Variants in CHAF1B observed in about 807,000 individuals in gnomAD.
CHAF1B encodes chromatin assembly factor 1 subunit B, also known as CAF-1 subunit B.
A neutral mutation model predicts 60.7 loss-of-function variants in CHAF1B; 10 were observed. The observed-to-expected ratio is 0.16, with a 90% CI of 0.10 to 0.28. The LOEUF (loss-of-function observed/expected upper bound fraction) is 0.28, where lower values mean the gene tolerates loss of function less well. CHAF1B is among the 10% of genes least tolerant of loss of function. The pLI is 1.00. For missense variants in CHAF1B, 558 were observed against 708.4 expected (o/e 0.79, Z 2.41); for synonymous variants, 261 against 266.1 (o/e 0.98, Z 0.19).
In CHAF1B at chr21:36,418,050, T is replaced by C. The variant is rs2086331787; in HGVS notation, c.*1684T>C. Reference sequence around the variant, plus strand: ...TTTTTTCCGAGACAGAGTCTCGCTCTGTCACCCAGGCTGGAGTGCAGTGGC... The same window carrying C: ...TTTTTTCCGAGACAGAGTCTCGCTCCGTCACCCAGGCTGGAGTGCAGTGGC... On this transcript the variant is annotated 3_prime_UTR_variant, in exon 14 of 14. Coordinates refer to ENST00000314103, the MANE Select transcript of CHAF1B (RefSeq NM_005441.3). 6.6e-6 allele frequency: 1 copy of C among 151,866 alleles called. No homozygotes were observed. Among genetic ancestry groups the C allele is most frequent in the African/African-American group, 2.4e-5 (1 of 41,298 alleles). 9.4% of individuals were successfully genotyped at this position (151,866 alleles called of 1,614,324 possible).
In CHAF1B at chr21:36,416,630, G is replaced by A. The variant is rs1160079684; in HGVS notation, c.*264G>A. On this transcript the variant is annotated 3_prime_UTR_variant, in exon 14 of 14. Transcript: ENST00000314103. ...GTTTCTGAAACTGGAGCGGTTCAAC[G>A]TTATCCAGTGTGAAAATCAGTGAGT... is the stretch of plus-strand genomic sequence containing the variant. 5 of 311,244 alleles carry A rather than the reference G, an allele frequency of 1.6e-5. No individual in the cohort carries two copies. Among genetic ancestry groups the A allele is most frequent in the African/African-American group, 2.1e-5 (1 of 47,508 alleles). The allele number at this position is 311,244 out of a possible 1,614,324, so 19.3% of individuals were successfully genotyped here. A position where few individuals can be genotyped will look rare whatever the true frequency, so the allele number is the denominator to read the frequency against.
At chr21:36,402,944 T>C (rs1310720135) in intron 8 of CHAF1B, 93 bp downstream of exon 8, 1 of 1,061,870 alleles carries the variant, frequency 9.4e-7, no homozygotes, top group Non-Finnish European at 1.4e-6. Context: ...CAGTGAATGC[T>C]GATTAGAGTG....
In CHAF1B at chr21:36,399,539, T is replaced by C. The variant is rs537762285; in HGVS notation, c.597T>C (p.Ser199=). Residue 199 remains serine (S), a synonymous_variant, in exon 7 of 14, where the codon AGT becomes AGC. Coordinates refer to ENST00000314103, the MANE Select transcript of CHAF1B (RefSeq NM_005441.3). ...TCTTCAGGGTGCTGCGAGTATACAG[T>C]ATACAGAAGAAGCGTGTGGCTTTCA... The part of the protein sequence containing the change: ...LSCDRVLRVY[S]IQKKRVAFNV... 11 of 1,614,068 alleles carry C rather than the reference T, an allele frequency of 6.8e-6. No individual in the cohort carries two copies. In the African/African-American group the frequency reaches 1.2e-4, roughly 18 times the overall value.
intron 8 of CHAF1B, among the ~76,000 whole-genome samples, chr21:36,407,715 C>T (rs762367975): frequency 6.6e-5 from 10 of 151,986 alleles, no homozygotes; most frequent in African/African-American, 1.2e-4. Context: ...CAGTGACTCA[C>T]GCCTGTAATC....
chr21:36,405,043 G>A (rs550368917), intron 8 of CHAF1B, among the ~76,000 whole-genome samples: 471 of 25,514 alleles, frequency 0.018, 2 homozygotes, highest in African/African-American at 0.025. Flanking sequence ...GAGCCACTGC[G>A]CCCAGCCCCA....
intron 12 of CHAF1B, among the ~76,000 whole-genome samples, chr21:36,414,007 C>A (rs1276074109): frequency 1.3e-5 from 2 of 152,184 alleles, no homozygotes; most frequent in East Asian, 3.8e-4. Flanking sequence ...GATCTGATAA[C>A]AAATAATCCC....
intron 8 of CHAF1B, 125 bp from the exon 9 acceptor site, chr21:36,408,636 A>G: frequency 1.5e-6 from 1 of 658,564 alleles, no homozygotes; most frequent in East Asian, 2.8e-5. Context: ...AACATTGTCC[A>G]GAGAATATAA....
rs1453213885 is a variant in CHAF1B at position 36,415,791 on chromosome 21, C to T, written c.1588+402C>T. ...TTTTTGAGATGCAGTCTTGCTCTGT[C>T]GCCCAGGCTGGAATGCAGTGGCACG... On this transcript the variant is annotated intron_variant, in intron 13 of 13. Transcript: ENST00000314103. 1.5e-5 allele frequency: 6 copies of T among 395,450 alleles called. No individual in the cohort carries two copies. The East Asian group carries it at 2.3e-4, about 15-fold the overall frequency. 24.5% of individuals were successfully genotyped at this position (395,450 alleles called of 1,614,324 possible).
rs1303344919 is a variant in CHAF1B at position 36,385,989 on chromosome 21, G to A, written c.-77-71G>A. On this transcript the variant is annotated intron_variant, in intron 1 of 13. Transcript: ENST00000314103. ...TCCCAATGCAGTGTGCATTTTAAATGGCTCCTGGCCCCTATTCAGCGCTCA... is the reference window on the plus strand; with the variant it reads ...TCCCAATGCAGTGTGCATTTTAAATAGCTCCTGGCCCCTATTCAGCGCTCA... 3.5e-6 allele frequency: 3 copies of A among 845,876 alleles called. No homozygotes were observed. In the Admixed American group the frequency reaches 7.9e-5, roughly 22 times the overall value. The allele number at this position is 845,876 out of a possible 1,614,324, so 52.4% of individuals were successfully genotyped here.
chr21:36,396,834 G>A (rs969113725), intron 5 of CHAF1B, among the ~76,000 whole-genome samples: 1 of 151,996 alleles, frequency 6.6e-6, no homozygotes, highest in African/African-American at 2.4e-5. Context: ...CCTAACTAGT[G>A]ACCCTCTTTG....
chr21:36,391,588 G>C lies in CHAF1B; in HGVS notation c.297G>C (p.Lys99Asn), dbSNP rs1254536096. ...VILLWKVNDN[K>N]EPEQIAFQDE... ...TATTGTGGAAGGTGAATGATAACAA[G>C]GAGCCGGAGCAGATCGCTTTTCAGG... is the stretch of plus-strand genomic sequence containing the variant. Residue 99 changes from lysine (K) to asparagine (N), a missense_variant, in exon 4 of 14, where the codon AAG (lysine) becomes AAC (asparagine). Lys to Asn is a moderately conservative substitution (Grantham distance 94, BLOSUM62 0). Transcript: ENST00000314103. 6.2e-7 allele frequency: 1 copy of C among 1,613,536 alleles called. No homozygotes were observed. Among genetic ancestry groups the C allele is most frequent in the Non-Finnish European group, 8.5e-7 (1 of 1,179,610 alleles).
intron 3 of CHAF1B, among the ~76,000 whole-genome samples, chr21:36,390,225 C>T (rs112324894): frequency 1.1e-4 from 17 of 149,544 alleles, no homozygotes; most frequent in African/African-American, 3.7e-4. Context: ...CCCAGCTATT[C>T]GGGAGGCTGA....
chr21:36,399,027 G>C (rs1488690400), intron 6 of CHAF1B, among the ~76,000 whole-genome samples: 1 of 150,094 alleles, frequency 6.7e-6, no homozygotes, highest in Non-Finnish European at 1.5e-5. Context: ...GGAGTAATGT[G>C]ACTTACCAAT....
chr21:36,405,593 C>A (rs1444778177), intron 8 of CHAF1B, among the ~76,000 whole-genome samples: 1 of 151,936 alleles, frequency 6.6e-6, no homozygotes, highest in Non-Finnish European at 1.5e-5. Flanking sequence ...CCATGCCTGG[C>A]TAATTTTCTT....
intron 12 of CHAF1B, among the ~76,000 whole-genome samples, chr21:36,413,799 T>G (rs1278353140): frequency 6.6e-6 from 1 of 152,206 alleles, no homozygotes; most frequent in Non-Finnish European, 1.5e-5. Flanking sequence ...AGCCTTTCCC[T>G]TGTCACCACA....
At chr21:36,405,844 AT>A (rs1335148533) in intron 8 of CHAF1B, among the ~76,000 whole-genome samples, 1 of 152,202 alleles carries the variant, frequency 6.6e-6, no homozygotes, top group Non-Finnish European at 1.5e-5. Context: ...TGTTCTAACA[AT>A]TAACATACTA....
chr21:36,396,552 A>G (rs2086141113), intron 5 of CHAF1B, among the ~76,000 whole-genome samples: 1 of 151,446 alleles, frequency 6.6e-6, no homozygotes, highest in Non-Finnish European at 1.5e-5. Flanking sequence ...AGTCCCAGCT[A>G]CTAGGGCTGC....
intron 8 of CHAF1B, among the ~76,000 whole-genome samples, chr21:36,404,052 AAAGTTAGTTATT>A (rs2086214602): frequency 6.6e-6 from 1 of 152,184 alleles, no homozygotes; most frequent in Non-Finnish European, 1.5e-5. Flanking sequence ...TATATTTACT[AAAGTTAGTTATT>A]AAAAGTTATT....
At position 36,415,321 on chromosome 21, in the gene CHAF1B, C is replaced by T. The variant is rs115392153; in HGVS notation, c.1520C>T (p.Thr507Met). 2.4e-3 allele frequency: 3,844 copies of T among 1,611,104 alleles called. 42 individuals carry two copies. The African/African-American group carries it at 0.034, about 14-fold the overall frequency. ...AGAATAAACTTAACACCCTTAAAGA[C>T]GGACACTCCACCAAGTTCTGTACCA... The part of the protein sequence containing the change: ...PRRINLTPLK[T>M]DTPPSSVPTS... Residue 507 changes from threonine to methionine, a missense_variant, in exon 13 of 14, where the codon ACG (threonine) becomes ATG (methionine). Thr to Met is a moderately conservative substitution (Grantham distance 81). Coordinates refer to ENST00000314103, the MANE Select transcript of CHAF1B (RefSeq NM_005441.3).
Sources: allele counts gnomAD v4.1 joint callset (sites outside exome capture counted in the v4.1 genomes callset), GRCh38; gene constraint gnomAD v4.1.1; transcripts MANE v1.5; gene names NCBI Gene and HGNC (gene_info 2026-07-23, HGNC 2026-07-21).